CSMD3: variants seen among roughly 807,000 people sequenced by gnomAD.
CSMD3 encodes CUB and sushi domain-containing protein 3.
Under a neutral mutation model 435.2 loss-of-function variants are expected in CSMD3, and 177 were observed. That is an observed-to-expected ratio of 0.41 (90% confidence interval 0.36 to 0.46). The LOEUF (loss-of-function observed/expected upper bound fraction) is 0.46, where lower values mean the gene tolerates loss of function less well. Ranked by LOEUF, CSMD3 falls within the 20% of genes least tolerant of loss-of-function variation. CSMD3 has a pLI of 0.34. For synonymous variants in CSMD3, 1,656 were observed against 1,520.5 expected (o/e 1.09, Z -2.07); for missense variants, 4,265 against 4,504.6 (o/e 0.95, Z 1.52).
intron 6 of CSMD3, among the ~76,000 whole-genome samples, chr8:112,989,728 C>A (rs954260462): frequency 6.6e-6 from 1 of 151,954 alleles, no homozygotes; most frequent in East Asian, 1.9e-4. Flanking sequence ...CAACAGAGTG[C>A]AGCAAAAGGG....
chr8:112,369,659 C>T (rs1426830073), intron 38 of CSMD3, among the ~76,000 whole-genome samples: 1 of 152,036 alleles, frequency 6.6e-6, no homozygotes, highest in Non-Finnish European at 1.5e-5. Context: ...GGGAGCTGAA[C>T]AGTGAGAACA....
chr8:112,677,277 G>A (rs1233285646), intron 16 of CSMD3, among the ~76,000 whole-genome samples: 2 of 151,396 alleles, frequency 1.3e-5, no homozygotes, highest in Non-Finnish European at 2.9e-5. Context: ...GGGAAGACAG[G>A]GAAATAAATG....
At chr8:112,781,332 C>T (rs1046133144) in intron 13 of CSMD3, among the ~76,000 whole-genome samples, 1 of 151,972 alleles carries the variant, frequency 6.6e-6, no homozygotes, top group African/African-American at 2.4e-5. Context: ...AGGTGAGACT[C>T]CTTCTACTTG....
At position 112,921,745 on chromosome 8, in the gene CSMD3, T is replaced by G; in HGVS notation, c.1515A>C (p.Gly505=). ...GKRIGSDFSL[G]STVQFSCDED... ...CATCACAAGAGAACTGCACAGTTGA[T>G]CCAAGGCTAAAGTTAAATAAAAGAG... Residue 505 remains glycine, a synonymous_variant, in exon 10 of 71, where the codon GGA becomes GGC. Coordinates refer to ENST00000297405, the MANE Select transcript of CSMD3 (RefSeq NM_198123.2). The G allele has an allele frequency of 6.2e-7, 1 of 1,608,176 alleles. No individual in the cohort carries two copies. The highest frequency in any genetic ancestry group is 1.7e-5 in the Admixed American group (1 of 59,888).
Position 112,335,494 on chromosome 8 carries a change from A to G in CSMD3, c.7020-20T>C, listed in dbSNP as rs762988904. 1.2e-6 allele frequency: 2 copies of G among 1,611,984 alleles called. No homozygotes were observed. Among genetic ancestry groups the G allele is most frequent in the South Asian group, 2.2e-5 (2 of 91,058 alleles). Reference sequence around the variant, plus strand: ...CCATCCCTATGAGACAAGGATTGGGAAAGGAGGAGAGATCAAGATTGATTG... The same window carrying G: ...CCATCCCTATGAGACAAGGATTGGGGAAGGAGGAGAGATCAAGATTGATTG... On this transcript the variant is annotated intron_variant, in intron 44 of 70. Coordinates refer to ENST00000297405, the MANE Select transcript of CSMD3 (RefSeq NM_198123.2).
At chr8:112,807,074 T>C (rs1189239254) in intron 12 of CSMD3, among the ~76,000 whole-genome samples, 4 of 152,198 alleles carry the variant, frequency 2.6e-5, no homozygotes, top group African/African-American at 7.2e-5. Flanking sequence ...CTACCACTTA[T>C]GTGCTGTGCA....
At chr8:112,836,542 G>A (rs1415637958) in intron 11 of CSMD3, among the ~76,000 whole-genome samples, 2 of 151,764 alleles carry the variant, frequency 1.3e-5, no homozygotes, top group Non-Finnish European at 2.9e-5. Flanking sequence ...TTTGCTGAGA[G>A]GCTTTTGCAA....
chr8:112,365,379 G>A (rs1448259543), intron 38 of CSMD3, among the ~76,000 whole-genome samples: 1 of 150,886 alleles, frequency 6.6e-6, no homozygotes, highest in African/African-American at 2.4e-5. Context: ...AACAATTAGG[G>A]TGAAGACACA....
At chr8:112,455,257 C>T (rs983472014) in intron 32 of CSMD3, among the ~76,000 whole-genome samples, 3 of 151,916 alleles carry the variant, frequency 2.0e-5, no homozygotes, top group Non-Finnish European at 4.4e-5. Context: ...AATATGCAGC[C>T]ATAAAAAGAA....
intron 27 of CSMD3, among the ~76,000 whole-genome samples, chr8:112,544,809 G>T (rs1827004065): frequency 6.6e-6 from 1 of 152,086 alleles, no homozygotes; most frequent in African/African-American, 2.4e-5. Context: ...CATCTTAGTG[G>T]ATATCAGCTT....
At chr8:112,230,978 C>G (rs766425001) in intron 69 of CSMD3, among the ~76,000 whole-genome samples, 15 of 152,092 alleles carry the variant, frequency 9.9e-5, no homozygotes, top group Non-Finnish European at 1.8e-4. Flanking sequence ...ACATTCTTGC[C>G]AGACCATTAA....
At chr8:112,666,017 A>G (rs1310555270) in intron 17 of CSMD3, among the ~76,000 whole-genome samples, 1 of 152,138 alleles carries the variant, frequency 6.6e-6, no homozygotes, top group African/African-American at 2.4e-5. Flanking sequence ...TAAAGGTCAC[A>G]TGTTCACATC....
intron 1 of CSMD3, among the ~76,000 whole-genome samples, chr8:113,391,663 G>C (rs1473129203): frequency 5.3e-5 from 8 of 152,000 alleles, no homozygotes; most frequent in Non-Finnish European, 4.4e-5. Context: ...ATGAATGTCA[G>C]ATGTGAGAAT....
At chr8:112,629,699 G>C (rs1165528350) in intron 22 of CSMD3, among the ~76,000 whole-genome samples, 1 of 152,136 alleles carries the variant, frequency 6.6e-6, no homozygotes, top group Non-Finnish European at 1.5e-5. Flanking sequence ...GTCAAACTTA[G>C]TGTTTTACGC....
At chr8:113,110,651 A>G (rs1304969676) in intron 4 of CSMD3, among the ~76,000 whole-genome samples, 5 of 152,060 alleles carry the variant, frequency 3.3e-5, no homozygotes, top group African/African-American at 9.7e-5. Context: ...CTGAACCCTC[A>G]CCAAGATTGC....
intron 49 of CSMD3, among the ~76,000 whole-genome samples, chr8:112,313,508 T>G (rs1344367266): frequency 6.6e-6 from 1 of 152,122 alleles, no homozygotes; most frequent in African/African-American, 2.4e-5. Flanking sequence ...ATATTTTTTG[T>G]CAGTTCAAAG....
chr8:112,612,966 G>T (rs1002381252), intron 22 of CSMD3, among the ~76,000 whole-genome samples: 2 of 151,530 alleles, frequency 1.3e-5, no homozygotes, highest in African/African-American at 4.8e-5. Flanking sequence ...GGTGGTCTGA[G>T]ATTCTTTTTT....
intron 41 of CSMD3, among the ~76,000 whole-genome samples, chr8:112,342,120 T>C (rs1345641192): frequency 1.3e-5 from 2 of 152,124 alleles, no homozygotes; most frequent in Non-Finnish European, 2.9e-5. Context: ...GATTCCACAA[T>C]TGCATTAGAA....
intron 28 of CSMD3, among the ~76,000 whole-genome samples, chr8:112,512,105 G>A (rs1823205497): frequency 6.6e-6 from 1 of 152,064 alleles, no homozygotes; most frequent in Admixed American, 6.6e-5. Context: ...TCATCCATGA[G>A]GGTTAGAATC....
Sources: allele counts gnomAD v4.1 joint callset (sites outside exome capture counted in the v4.1 genomes callset), GRCh38; gene constraint gnomAD v4.1.1; transcripts MANE v1.5; gene names NCBI Gene and HGNC (gene_info 2026-07-23, HGNC 2026-07-21).